ESR2: variants seen among roughly 807,000 people sequenced by gnomAD.
ESR2 encodes the protein estrogen receptor beta.
A neutral mutation model predicts 49.6 loss-of-function variants in ESR2; 36 were observed. The ratio of observed to expected loss-of-function variants is 0.73; its 90% CI spans 0.56 to 0.96. The LOEUF is 0.96. Among genes scored for constraint, ESR2 ranks in the 40% least tolerant of loss-of-function variants. The probability of loss-of-function intolerance (pLI) is 0.00; values close to 1 mark genes in which losing one functional copy is unlikely to be tolerated. For missense variants in ESR2, 714 were observed against 693.0 expected (o/e 1.03, Z -0.34); for synonymous variants, 320 against 266.1 (o/e 1.20, Z -1.97).
chr14:64,295,199 A>C (rs1271572), upstream of ESR2, among the ~76,000 whole-genome samples: 87,930 of 146,246 alleles, frequency 0.6, 26,179 homozygotes, highest in African/African-American at 0.77. Flanking sequence ...CATTGTGAGA[A>C]CCCCCCAGTG....
At position 64,282,688 on chromosome 14, in the gene ESR2, C is replaced by T. The variant is rs568366119; in HGVS notation, c.298G>A (p.Ala100Thr). The T allele has an allele frequency of 5.7e-5, 92 of 1,613,956 alleles. No homozygotes were observed. The South Asian group carries it at 1.0e-3, about 18-fold the overall frequency. The stretch of plus-strand genomic sequence containing the variant: ...CACCAGGGACTCTTTTGAGGTTCCG[C>T]ATACAGATGTGATAACTGGCGATGG... The part of the protein sequence containing the change: ...VVHRQLSHLY[A>T]EPQKSPWCEA... The change falls in exon 2 of 9, where the codon GCG becomes ACG. Residue 100 changes from alanine to threonine, a missense_variant. Coordinates refer to ENST00000341099, the MANE Select transcript of ESR2 (RefSeq NM_001437.3).
At chr14:64,295,873 G>T (rs540248952), upstream of ESR2, among the ~76,000 whole-genome samples, 2 of 151,980 alleles carry the variant, frequency 1.3e-5, no homozygotes, top group Non-Finnish European at 2.9e-5. Context: ...GTGAAACCTC[G>T]TCTCTACTAA....
At chr14:64,239,241 C>G (rs1217127595) in intron 7 of ESR2, among the ~76,000 whole-genome samples, 2 of 152,130 alleles carry the variant, frequency 1.3e-5, no homozygotes, top group Non-Finnish European at 1.5e-5. Context: ...TGTGCTTTGC[C>G]CCAGTGTTCT....
In ESR2 at chr14:64,282,663, C is replaced by A; in HGVS notation, c.323G>T (p.Cys108Phe). The change falls in exon 2 of 9, where the codon TGT (cysteine) becomes TTT (phenylalanine). Residue 108 changes from cysteine to phenylalanine, a missense_variant. Coordinates refer to ENST00000341099, the MANE Select transcript of ESR2 (RefSeq NM_001437.3). ...GGTGTGTTCTAGCGATCTTGCTTCA[C>A]ACCAGGGACTCTTTTGAGGTTCCGC... ...LYAEPQKSPW[C>F]EARSLEHTLP... The A allele has an allele frequency of 6.2e-7, 1 of 1,611,544 alleles. No homozygotes were observed. The highest frequency in any genetic ancestry group is 8.5e-7 in the Non-Finnish European group (1 of 1,177,752).
chr14:64,269,697 A>G (rs1221211864), intron 3 of ESR2, among the ~76,000 whole-genome samples: 1 of 152,210 alleles, frequency 6.6e-6, no homozygotes, highest in Non-Finnish European at 1.5e-5. Context: ...TATGAAGTAG[A>G]GCTACTCTAA....
downstream of ESR2, chr14:64,227,320 A>G (rs1596351614): frequency 1.7e-6 from 1 of 601,400 alleles, no homozygotes; most frequent in East Asian, 2.9e-5. Flanking sequence ...AGACCATCTG[A>G]AGAGAATCCG....
chr14:64,283,219 A>C, intron 1 of ESR2, 144 bp from the exon 2 acceptor site: 1 of 368,978 alleles, frequency 2.7e-6, no homozygotes, highest in Non-Finnish European at 4.9e-6. Context: ...TATTAACCTC[A>C]GAGGAGTGGG....
intron 1 of ESR2, among the ~76,000 whole-genome samples, chr14:64,287,816 A>C (rs913093790): frequency 6.6e-6 from 1 of 152,198 alleles, no homozygotes; most frequent in African/African-American, 2.4e-5. Context: ...CAAAAGATTT[A>C]ATTTCTTTAA....
intron 6 of ESR2, 55 bp downstream of exon 6, chr14:64,257,171 A>C: frequency 6.4e-7 from 1 of 1,558,852 alleles, no homozygotes; most frequent in Non-Finnish European, 8.8e-7. Flanking sequence ...GTTCCCACTC[A>C]CTAAGCACCT....
intron 7 of ESR2, among the ~76,000 whole-genome samples, chr14:64,246,143 G>C (rs1416123215): frequency 6.6e-6 from 1 of 152,192 alleles, no homozygotes; most frequent in Non-Finnish European, 1.5e-5. Context: ...AGGAGTTCAA[G>C]ACCAGCCTGG....
chr14:64,252,664 G>A (rs1308651908), intron 6 of ESR2, among the ~76,000 whole-genome samples: 27 of 152,058 alleles, frequency 1.8e-4, no homozygotes, highest in Admixed American at 1.5e-3. Context: ...CAAGACAGCC[G>A]GGAGCTGCCA....
At chr14:64,274,564 A>C (rs187570430) in intron 3 of ESR2, among the ~76,000 whole-genome samples, 1 of 151,836 alleles carries the variant, frequency 6.6e-6, no homozygotes, top group Non-Finnish European at 1.5e-5. Flanking sequence ...ATATTTTGTC[A>C]ATCTTTTGTG....
intron 1 of ESR2, among the ~76,000 whole-genome samples, chr14:64,310,230 G>A (rs181532164): frequency 1.3e-5 from 2 of 151,354 alleles, no homozygotes; most frequent in Admixed American, 6.6e-5. Flanking sequence ...CCAAGATCGC[G>A]CCACTGCATT....
At chr14:64,311,756 T>G (rs776951981) in intron 1 of ESR2, among the ~76,000 whole-genome samples, 1 of 151,622 alleles carries the variant, frequency 6.6e-6, no homozygotes, top group Non-Finnish European at 1.5e-5. Flanking sequence ...AAGGCTGCAG[T>G]GAGCTATGAT....
chr14:64,333,087 C>T (rs1596504343), intron 1 of ESR2, among the ~76,000 whole-genome samples: 1 of 151,706 alleles, frequency 6.6e-6, no homozygotes, highest in African/African-American at 2.4e-5. Context: ...CCGTGTTAGC[C>T]AGGTTGGTCT....
In ESR2 at chr14:64,228,541, G is replaced by C. The variant is rs776328301; in HGVS notation, c.*4596C>G. Among the ~76,000 whole-genome samples the C allele has an allele frequency of 2.0e-5, 3 of 152,172 alleles. No homozygotes were observed. The highest frequency in any genetic ancestry group is 7.2e-5 in the African/African-American group (3 of 41,426). ...ATTAGTGTAATGATACAAAGCATTC[G>C]TCTGAGAAAATGGCAAATTATAGCC... On this transcript the variant is annotated 3_prime_UTR_variant, in exon 9 of 9. Transcript: ENST00000341099.
chr14:64,257,889 CCTT>C (rs1472070655), intron 5 of ESR2, among the ~76,000 whole-genome samples: 3 of 152,144 alleles, frequency 2.0e-5, no homozygotes, highest in African/African-American at 4.8e-5. Flanking sequence ...GTGTTAAGAT[CCTT>C]CTTCTGGGTA....
intron 4 of ESR2, among the ~76,000 whole-genome samples, chr14:64,267,889 A>C (rs1406483955): frequency 6.6e-6 from 1 of 151,924 alleles, no homozygotes; most frequent in Non-Finnish European, 1.5e-5. Flanking sequence ...ATCTCAAAAA[A>C]AAAAAAAAAA....
Position 64,229,083 on chromosome 14 carries a change from A to G in ESR2, c.*4054T>C, listed in dbSNP as rs1369006983. Among the ~76,000 whole-genome samples, 1 of 152,130 alleles carries G rather than the reference A, an allele frequency of 6.6e-6. No individual in the cohort carries two copies. Among genetic ancestry groups the G allele is most frequent in the Non-Finnish European group, 1.5e-5 (1 of 68,012 alleles). ...GTCACAGACAGGAGGTGATCACAGT[A>G]CCCACTAGAGCTCATGAACCTGAGA... On this transcript the variant is annotated 3_prime_UTR_variant, in exon 9 of 9. Coordinates refer to ENST00000341099, the MANE Select transcript of ESR2 (RefSeq NM_001437.3).
Sources: gnomAD v4.1 joint callset for allele counts (sites outside exome capture counted in the v4.1 genomes callset) on GRCh38, gnomAD v4.1.1 for gene constraint, MANE v1.5 for transcripts, NCBI Gene and HGNC (gene_info 2026-07-23, HGNC 2026-07-21) for gene names.